Variants in ATP13A4 observed in about 807,000 individuals in gnomAD.
The protein encoded by ATP13A4 is probable cation-transporting ATPase 13A4.
In ATP13A4, 114 loss-of-function variants were observed where a neutral mutation model predicts 142.5. That is an observed-to-expected ratio of 0.80 (90% confidence interval 0.69 to 0.93). ATP13A4 has a LOEUF of 0.93. Ranked by LOEUF, ATP13A4 falls within the 40% of genes least tolerant of loss-of-function variation. The pLI is 0.00. For synonymous variants in ATP13A4, 488 were observed against 514.8 expected, an observed-to-expected ratio of 0.95 and a Z score of 0.70; for missense variants, 1,392 against 1,454.0, an observed-to-expected ratio of 0.96 and a Z score of 0.69.
intron 29 of ATP13A4, chr3:193,403,832 T>C: frequency 1.0e-6 from 1 of 984,430 alleles, no homozygotes; most frequent in South Asian, 4.7e-5. Flanking sequence ...GACGTGAAAC[T>C]GTCCCACAGA....
chr3:193,494,666 T>C (rs1166827924), intron 3 of ATP13A4, among the ~76,000 whole-genome samples: 5 of 151,660 alleles, frequency 3.3e-5, no homozygotes. Context: ...AACACCTATA[T>C]ACAAAAAAGA....
chr3:193,557,603 T>A (rs1488859832), upstream of ATP13A4, among the ~76,000 whole-genome samples: 2 of 152,186 alleles, frequency 1.3e-5, no homozygotes, highest in Non-Finnish European at 2.9e-5. Context: ...ATTAAGTAAT[T>A]TGCCTACATT....
chr3:193,466,066 T>A lies in ATP13A4; in HGVS notation c.1231A>T (p.Ile411Phe). The change falls in exon 11 of 30, where the codon ATT becomes TTT. Residue 411 changes from isoleucine (I) to phenylalanine (F), a missense_variant. Ile to Phe is a conservative substitution (Grantham distance 21). Coordinates refer to ENST00000342695, the MANE Select transcript of ATP13A4 (RefSeq NM_032279.4). The part of the protein sequence containing the change: ...FLLCLVGTAT[I>F]GMIYTLCVYV... ...ACACACAGAGTATAGATCATCCCAA[T>A]GGTGGCTGTTCCTACAAGGCACAGG... The A allele has an allele frequency of 1.9e-6, 3 of 1,614,170 alleles. No individual in the cohort carries two copies. Among genetic ancestry groups the A allele is most frequent in the Non-Finnish European group, 1.7e-6 (2 of 1,180,026 alleles).
intron 17 of ATP13A4, among the ~76,000 whole-genome samples, chr3:193,449,955 A>C (rs1048683443): frequency 2.0e-5 from 3 of 152,104 alleles, no homozygotes; most frequent in Admixed American, 6.6e-5. Context: ...TCCCATCCCT[A>C]CTAAAAATAC....
chr3:193,521,571 C>T (rs1175906492), intron 1 of ATP13A4, among the ~76,000 whole-genome samples: 5 of 152,160 alleles, frequency 3.3e-5, no homozygotes, highest in African/African-American at 1.2e-4. Context: ...GTTGGGACTT[C>T]GGGATTCTAG....
chr3:193,406,974 A>C (rs1173264334), intron 29 of ATP13A4, among the ~76,000 whole-genome samples: 1 of 152,214 alleles, frequency 6.6e-6, no homozygotes, highest in Non-Finnish European at 1.5e-5. Flanking sequence ...ACACTACTGA[A>C]TTGTGGACTT....
chr3:193,486,227 A>C (rs2108660575), intron 7 of ATP13A4, among the ~76,000 whole-genome samples: 1 of 152,170 alleles, frequency 6.6e-6, no homozygotes, highest in Non-Finnish European at 1.5e-5. Flanking sequence ...AAGTTTGTGA[A>C]CCTCCAGGGA....
At position 193,467,314 on chromosome 3, in the gene ATP13A4, A is replaced by C. The variant is rs556341755; in HGVS notation, c.1114+2T>G. On this transcript the variant is annotated splice_donor_variant, in intron 10 of 29. Transcript: ENST00000342695. LOFTEE classifies it high-confidence loss of function. ...AAATAAGAAAAAGGAGGGGATGCTA[A>C]CCAGTCTGCAGTACCACGGCTCTCA... 1 of 1,614,178 alleles carries C rather than the reference A, an allele frequency of 6.2e-7. No homozygotes were observed. The highest frequency in any genetic ancestry group is 1.3e-5 in the African/African-American group (1 of 75,058).
chr3:193,467,043 T>C (rs1340667709), intron 10 of ATP13A4, among the ~76,000 whole-genome samples: 1 of 152,132 alleles, frequency 6.6e-6, no homozygotes, highest in Admixed American at 6.5e-5. Flanking sequence ...TTAAAATGCA[T>C]AATTGGATTG....
chr3:193,554,559 A>G (rs976730259), intron 1 of ATP13A4, 181 bp downstream of exon 1: 8 of 721,440 alleles, frequency 1.1e-5, no homozygotes, highest in Non-Finnish European at 1.9e-5. Context: ...GTCAGAGGTT[A>G]TATTTACAGG....
intron 1 of ATP13A4, among the ~76,000 whole-genome samples, chr3:193,536,309 T>G (rs1438126017): frequency 1.3e-5 from 2 of 152,008 alleles, no homozygotes; most frequent in African/African-American, 2.4e-5. Flanking sequence ...AGGGTTTAAT[T>G]CAGGGATGCA....
Position 193,467,317 on chromosome 3 carries a change from A to G in ATP13A4, c.1113T>C (p.Thr371=). 6.2e-7 allele frequency: 1 copy of G among 1,614,200 alleles called. No individual in the cohort carries two copies. The highest frequency in any genetic ancestry group is 8.5e-7 in the Non-Finnish European group (1 of 1,180,024). The part of the protein sequence containing the change: ...SGTVRAVVLQ[T]GFNTAKGDLV... Reference sequence around the variant, plus strand: ...TAAGAAAAAGGAGGGGATGCTAACCAGTCTGCAGTACCACGGCTCTCACGG... The same window carrying G: ...TAAGAAAAAGGAGGGGATGCTAACCGGTCTGCAGTACCACGGCTCTCACGG... The change falls in exon 10 of 30, where the codon ACT becomes ACC. Residue 371 remains threonine (T), a splice_region_variant and synonymous_variant. Coordinates refer to ENST00000342695, the MANE Select transcript of ATP13A4 (RefSeq NM_032279.4).
chr3:193,423,686 T>C (rs912504055), intron 25 of ATP13A4, among the ~76,000 whole-genome samples: 5 of 149,894 alleles, frequency 3.3e-5, no homozygotes, highest in East Asian at 2.1e-4. Flanking sequence ...CTCAATGCAA[T>C]AAAGGTCATG....
chr3:193,541,082 T>C (rs1435439809), intron 1 of ATP13A4, among the ~76,000 whole-genome samples: 2 of 151,694 alleles, frequency 1.3e-5, no homozygotes, highest in African/African-American at 4.8e-5. Context: ...ACCCCGTCTC[T>C]ACTAAAAATA....
chr3:193,520,005 C>T (rs977013052), intron 1 of ATP13A4, among the ~76,000 whole-genome samples: 1 of 152,028 alleles, frequency 6.6e-6, no homozygotes, highest in Non-Finnish European at 1.5e-5. Context: ...TACAACGAGG[C>T]TTTAATTTAT....
intron 8 of ATP13A4, among the ~76,000 whole-genome samples, chr3:193,473,412 G>C (rs1718735577): frequency 6.6e-6 from 1 of 152,130 alleles, no homozygotes; most frequent in African/African-American, 2.4e-5. Flanking sequence ...TAGAAGGAGA[G>C]ATAACATTAG....
chr3:193,591,580 C>A (rs922074162), intron 1 of ATP13A4, among the ~76,000 whole-genome samples: 1 of 152,214 alleles, frequency 6.6e-6, no homozygotes, highest in African/African-American at 2.4e-5. Flanking sequence ...GACATTTATA[C>A]TGATTCCAAT....
At chr3:193,582,983 T>C (rs1378729859) in intron 1 of ATP13A4, among the ~76,000 whole-genome samples, 1 of 87,136 alleles carries the variant, frequency 1.1e-5, no homozygotes, top group Non-Finnish European at 2.1e-5. Flanking sequence ...TATATGTATA[T>C]TACATATATA....
At chr3:193,423,482 A>C (rs1715500374) in intron 25 of ATP13A4, among the ~76,000 whole-genome samples, 1 of 149,806 alleles carries the variant, frequency 6.7e-6, no homozygotes, top group Non-Finnish European at 1.5e-5. Flanking sequence ...TTAAAAAGGT[A>C]ATTCACCATG....
Sources: gnomAD v4.1 joint callset for allele counts (sites outside exome capture counted in the v4.1 genomes callset) on GRCh38, gnomAD v4.1.1 for gene constraint, MANE v1.5 for transcripts, NCBI Gene and HGNC (gene_info 2026-07-23, HGNC 2026-07-21) for gene names.